Variants in CSMD1 observed in about 807,000 individuals in gnomAD.
CSMD1 encodes the protein CUB and Sushi multiple domains 1.
Under a neutral mutation model 417.5 loss-of-function variants are expected in CSMD1, and 213 were observed. The ratio of observed to expected loss-of-function variants is 0.51; its 90% CI spans 0.46 to 0.57. CSMD1 has a LOEUF of 0.57. Among genes scored for constraint, CSMD1 ranks in the 20% least tolerant of loss-of-function variants. The pLI is 0.00. For missense variants in CSMD1, 6,923 were observed against 4,529.7 expected (o/e 1.53, Z -15.17); for synonymous variants, 2,862 against 1,736.8 (o/e 1.65, Z -16.11).
intron 3 of CSMD1, among the ~76,000 whole-genome samples, chr8:4,247,339 G>C (rs1802774878): frequency 6.6e-6 from 1 of 152,122 alleles, no homozygotes; most frequent in Non-Finnish European, 1.5e-5. Context: ...ACCACATAGA[G>C]TGCTGCTGGG....
chr8:3,070,987 T>TGA (rs1435079629), intron 49 of CSMD1, among the ~76,000 whole-genome samples: 1 of 152,202 alleles, frequency 6.6e-6, no homozygotes, highest in Non-Finnish European at 1.5e-5. Context: ...TGGGGAGACC[T>TGA]GAGGGAGATT....
intron 3 of CSMD1, among the ~76,000 whole-genome samples, chr8:4,126,009 T>G (rs1802743042): frequency 6.6e-6 from 1 of 152,128 alleles, no homozygotes; most frequent in Admixed American, 6.5e-5. Flanking sequence ...TTGCAGACCC[T>G]GCACTCCATG....
intron 2 of CSMD1, among the ~76,000 whole-genome samples, chr8:4,606,717 T>C (rs1294628271): frequency 6.6e-6 from 1 of 152,194 alleles, no homozygotes; most frequent in Admixed American, 6.5e-5. Context: ...TATCCTCCAG[T>C]TTGATAAAGA....
intron 2 of CSMD1, among the ~76,000 whole-genome samples, chr8:4,553,004 T>A (rs1236382403): frequency 1.3e-5 from 2 of 152,206 alleles, no homozygotes; most frequent in African/African-American, 4.8e-5. Flanking sequence ...TTGGTGACAT[T>A]TCACCGAGTC....
chr8:4,825,738 A>G (rs969294733), intron 1 of CSMD1, among the ~76,000 whole-genome samples: 3 of 152,018 alleles, frequency 2.0e-5, no homozygotes, highest in African/African-American at 7.2e-5. Context: ...GTAAGGGGTT[A>G]ATATCTGAGA....
At chr8:3,406,859 A>G (rs1055257803) in intron 14 of CSMD1, among the ~76,000 whole-genome samples, 1 of 152,250 alleles carries the variant, frequency 6.6e-6, no homozygotes, top group African/African-American at 2.4e-5. Context: ...CCTAAAGCAA[A>G]GAGAATGAGC....
chr8:3,095,166 A>G (rs1815209233), intron 47 of CSMD1, among the ~76,000 whole-genome samples: 1 of 152,182 alleles, frequency 6.6e-6, no homozygotes, highest in Admixed American at 6.5e-5. Flanking sequence ...GTGAAACAAA[A>G]GAACATGCAT....
chr8:4,277,432 T>A, intron 3 of CSMD1, among the ~76,000 whole-genome samples: 1 of 152,132 alleles, frequency 6.6e-6, no homozygotes, highest in East Asian at 1.9e-4. Flanking sequence ...TAGCTGTCCG[T>A]CAGCTTTCAG....
At chr8:3,955,570 C>G (rs967182941) in intron 5 of CSMD1, among the ~76,000 whole-genome samples, 2 of 152,064 alleles carry the variant, frequency 1.3e-5, no homozygotes, top group Admixed American at 1.3e-4. Context: ...TTACATATTC[C>G]ATAGGAGATT....
At chr8:4,360,895 G>A (rs13259606) in intron 3 of CSMD1, among the ~76,000 whole-genome samples, 34,816 of 152,078 alleles carry the variant, frequency 0.23, 4,247 homozygotes, top group Middle Eastern at 0.29. Context: ...CAGGTCCCCT[G>A]AAAGTAGAAT....
intron 5 of CSMD1, among the ~76,000 whole-genome samples, chr8:3,790,492 G>C (rs1307275427): frequency 6.6e-6 from 1 of 152,270 alleles, no homozygotes; most frequent in Non-Finnish European, 1.5e-5. Context: ...ATGATGGTGA[G>C]AGTGATGGTA....
intron 3 of CSMD1, among the ~76,000 whole-genome samples, chr8:4,122,786 C>T (rs1432014183): frequency 6.6e-6 from 1 of 152,092 alleles, no homozygotes; most frequent in African/African-American, 2.4e-5. Flanking sequence ...AAGTCACTGT[C>T]TTCCATCAAA....
In CSMD1 at chr8:3,029,875, T is replaced by C. The variant is rs141453410; in HGVS notation, c.7661-362A>G. Reference sequence around the variant, plus strand: ...TACATATAATTTCCCTCAATATCCTTGGAGGAACTTGGAATAGTAATTGTG... The same window carrying C: ...TACATATAATTTCCCTCAATATCCTCGGAGGAACTTGGAATAGTAATTGTG... On this transcript the variant is annotated intron_variant, in intron 50 of 69. Transcript: ENST00000635120. 1.2e-3 allele frequency among the ~76,000 whole-genome samples: 185 copies of C among 152,158 alleles called. 2 individuals carry two copies. Among genetic ancestry groups the C allele is most frequent in the African/African-American group, 4.3e-3 (180 of 41,532 alleles).
chr8:3,495,216 C>G (rs1796315365), intron 10 of CSMD1, among the ~76,000 whole-genome samples: 1 of 152,096 alleles, frequency 6.6e-6, no homozygotes, highest in Non-Finnish European at 1.5e-5. Flanking sequence ...CTTTTTGTTT[C>G]TCATGAACCA....
chr8:4,701,348 T>C (rs749521256), intron 1 of CSMD1, among the ~76,000 whole-genome samples: 1 of 151,930 alleles, frequency 6.6e-6, no homozygotes, highest in Admixed American at 6.6e-5. Context: ...CTTAAGAACT[T>C]ACTACTCCTT....
At chr8:4,247,576 A>G (rs1802789271) in intron 3 of CSMD1, among the ~76,000 whole-genome samples, 3 of 152,150 alleles carry the variant, frequency 2.0e-5, no homozygotes, top group Non-Finnish European at 2.9e-5. Context: ...TAATACCACC[A>G]TTCTTGTTAA....
At chr8:3,160,206 C>G (rs1819794718) in intron 38 of CSMD1, among the ~76,000 whole-genome samples, 1 of 152,112 alleles carries the variant, frequency 6.6e-6, no homozygotes, top group South Asian at 2.1e-4. Flanking sequence ...TCACTGCAAC[C>G]TCCGCCTCCT....
At chr8:3,238,552 T>A (rs975560156) in intron 26 of CSMD1, among the ~76,000 whole-genome samples, 1 of 152,050 alleles carries the variant, frequency 6.6e-6, no homozygotes, top group African/African-American at 2.4e-5. Context: ...GCATGGGAAC[T>A]TAGAGTGGGA....
chr8:4,762,960 T>A (rs1273077624), intron 1 of CSMD1, among the ~76,000 whole-genome samples: 2 of 152,162 alleles, frequency 1.3e-5, no homozygotes, highest in Non-Finnish European at 2.9e-5. Flanking sequence ...TATTTCTCAA[T>A]ATCTGGTGGC....
Sources: allele counts gnomAD v4.1 joint callset (sites outside exome capture counted in the v4.1 genomes callset), GRCh38; gene constraint gnomAD v4.1.1; transcripts MANE v1.5; gene names NCBI Gene and HGNC (gene_info 2026-07-23, HGNC 2026-07-21).